GSTCD: variants seen among roughly 807,000 people sequenced by gnomAD.
GSTCD encodes the protein glutathione S-transferase C-terminal domain-containing protein.
A neutral mutation model predicts 68.3 loss-of-function variants in GSTCD; 44 were observed. The observed-to-expected ratio is 0.64, with a 90% CI of 0.51 to 0.83. The LOEUF is 0.83. Among genes scored for constraint, GSTCD ranks in the 40% least tolerant of loss-of-function variants. The pLI is 0.00. For synonymous variants in GSTCD, 273 were observed against 255.2 expected (o/e 1.07, Z -0.67); for missense variants, 739 against 735.9 (o/e 1.00, Z -0.05).
intron 3 of GSTCD, among the ~76,000 whole-genome samples, chr4:105,721,397 T>A (rs1481067753): frequency 6.6e-6 from 1 of 152,166 alleles, no homozygotes; most frequent in Admixed American, 6.5e-5. Context: ...ATCCAAATGA[T>A]CAGAATCAGG....
rs977071968 is a variant in GSTCD, at chr4:105,776,221, A to G, written c.1240+46722A>G. ...CACCAAGCTCCAAAGTTGCCTTCAGACTGCTGTGCTGGCAGCGAGAATTTC... is the reference window on the plus strand; with the variant it reads ...CACCAAGCTCCAAAGTTGCCTTCAGGCTGCTGTGCTGGCAGCGAGAATTTC... On this transcript the variant is annotated intron_variant, in intron 5 of 11. Coordinates refer to ENST00000515279, the MANE Select transcript of GSTCD (RefSeq NM_001370181.1). Among the ~76,000 whole-genome samples, 4 of 152,310 alleles carry G rather than the reference A, an allele frequency of 2.6e-5. No homozygotes were observed. In the East Asian group the frequency reaches 7.7e-4, roughly 29 times the overall value.
intron 5 of GSTCD, among the ~76,000 whole-genome samples, chr4:105,793,674 C>T (rs566994707): frequency 6.6e-6 from 1 of 152,042 alleles, no homozygotes; most frequent in Admixed American, 6.5e-5. Context: ...CTCAAATCTC[C>T]GCATACTGCA....
Position 105,731,636 on chromosome 4 carries a change from A to G in GSTCD, c.1240+2137A>G, listed in dbSNP as rs370802870. 1.7e-4 allele frequency among the ~76,000 whole-genome samples: 26 copies of G among 152,314 alleles called. No homozygotes were observed. The East Asian group carries it at 4.6e-3, about 27-fold the overall frequency. ...CTTAAAGAGATTTTGGCCAGAGACA[A>G]TGGGGTTTTCTAAATACACAATCAT... On this transcript the variant is annotated intron_variant, in intron 5 of 11. Transcript: ENST00000515279.
intron 5 of GSTCD, among the ~76,000 whole-genome samples, chr4:105,753,462 A>C (rs1285757806): frequency 1.3e-5 from 2 of 152,022 alleles, no homozygotes; most frequent in African/African-American, 2.4e-5. Flanking sequence ...CCCTAGGATT[A>C]AAAATATTTG....
chr4:105,809,170 C>T (rs1722650747), intron 5 of GSTCD, among the ~76,000 whole-genome samples: 1 of 152,112 alleles, frequency 6.6e-6, no homozygotes, highest in Non-Finnish European at 1.5e-5. Flanking sequence ...TCTAGGTTTG[C>T]TGCCATACCT....
intron 5 of GSTCD, among the ~76,000 whole-genome samples, chr4:105,743,019 A>G (rs1050306012): frequency 1.2e-4 from 17 of 144,792 alleles, no homozygotes; most frequent in Non-Finnish European, 2.6e-4. Flanking sequence ...CCGCGATCTC[A>G]GCTCACTGCA....
At chr4:105,773,638 G>A (rs994655557) in intron 5 of GSTCD, among the ~76,000 whole-genome samples, 7 of 152,134 alleles carry the variant, frequency 4.6e-5, no homozygotes, top group Admixed American at 1.3e-4. Flanking sequence ...CTCAGGAGCA[G>A]GTTGTTCAGT....
At chr4:105,728,652 CAG>C (rs949045463) in intron 4 of GSTCD, among the ~76,000 whole-genome samples, 1 of 128,228 alleles carries the variant, frequency 7.8e-6, no homozygotes, top group Non-Finnish European at 1.6e-5. Context: ...ATAAAAATAA[CAG>C]AGCCATGGAG....
intron 5 of GSTCD, among the ~76,000 whole-genome samples, chr4:105,762,072 A>T (rs1734431436): frequency 6.6e-6 from 1 of 152,198 alleles, no homozygotes; most frequent in Admixed American, 6.5e-5. Flanking sequence ...GTGAATCCTC[A>T]GTCCCTCAGG....
chr4:105,809,852 G>T (rs1722685479), intron 5 of GSTCD, among the ~76,000 whole-genome samples: 1 of 151,740 alleles, frequency 6.6e-6, no homozygotes, highest in African/African-American at 2.4e-5. Context: ...ATACTGCAGT[G>T]AGAAATTGTG....
rs573563951 is a variant in GSTCD at position 105,800,728 on chromosome 4, G to A, written c.1241-22226G>A. On this transcript the variant is annotated intron_variant, in intron 5 of 11. Coordinates refer to ENST00000515279, the MANE Select transcript of GSTCD (RefSeq NM_001370181.1). ...ATAATATGGTCAATTCTCATTATTC[G>A]TAGTAGTTATGTTTTATGAAGTCAC... Among the ~76,000 whole-genome samples, 22 of 152,148 alleles carry A rather than the reference G, an allele frequency of 1.4e-4. No homozygotes were observed. In the East Asian group the frequency reaches 2.7e-3, roughly 19 times the overall value.
chr4:105,753,061 A>G (rs773067648), intron 5 of GSTCD, among the ~76,000 whole-genome samples: 5 of 152,068 alleles, frequency 3.3e-5, no homozygotes, highest in Non-Finnish European at 7.4e-5. Flanking sequence ...TCAAGATAAG[A>G]CTTTTCCTAA....
intron 5 of GSTCD, among the ~76,000 whole-genome samples, chr4:105,762,598 G>A (rs1013275513): frequency 2.6e-5 from 4 of 152,172 alleles, no homozygotes; most frequent in Admixed American, 2.0e-4. Flanking sequence ...GCTTAGTGCA[G>A]TGTGAAATTG....
intron 2 of GSTCD, among the ~76,000 whole-genome samples, chr4:105,718,458 A>T (rs1160001523): frequency 1.3e-5 from 2 of 152,268 alleles, no homozygotes; most frequent in Non-Finnish European, 1.5e-5. Context: ...TTCTACCATG[A>T]CTAAAAGCTT....
chr4:105,803,658 C>T (rs1483093350), intron 5 of GSTCD, among the ~76,000 whole-genome samples: 1 of 150,224 alleles, frequency 6.7e-6, no homozygotes, highest in Non-Finnish European at 1.5e-5. Flanking sequence ...GGAGAATGGA[C>T]AAATTATATC....
chr4:105,738,639 G>A (rs1447044826), intron 5 of GSTCD, among the ~76,000 whole-genome samples: 1 of 151,138 alleles, frequency 6.6e-6, no homozygotes, highest in Non-Finnish European at 1.5e-5. Context: ...TGTCTTGTTT[G>A]TTGTTCCTGT....
intron 8 of GSTCD, among the ~76,000 whole-genome samples, chr4:105,831,634 A>T (rs1723902598): frequency 6.6e-6 from 1 of 152,082 alleles, no homozygotes; most frequent in African/African-American, 2.4e-5. Context: ...CTCTCACTTT[A>T]TTGGGCTTTT....
chr4:105,753,227 C>T (rs1037826569), intron 5 of GSTCD: 1 of 151,772 alleles, frequency 6.6e-6, no homozygotes, highest in African/African-American at 2.4e-5. Flanking sequence ...AGCAAGAAAC[C>T]ACTTTAAGTA....
At chr4:105,741,864 G>A (rs1251291494) in intron 5 of GSTCD, among the ~76,000 whole-genome samples, 1 of 152,166 alleles carries the variant, frequency 6.6e-6, no homozygotes, top group African/African-American at 2.4e-5. Flanking sequence ...TTAAAGTAAG[G>A]CAGAATTGTG....
Sources: gnomAD v4.1 joint callset for allele counts (sites outside exome capture counted in the v4.1 genomes callset) on GRCh38, gnomAD v4.1.1 for gene constraint, MANE v1.5 for transcripts, NCBI Gene and HGNC (gene_info 2026-07-23, HGNC 2026-07-21) for gene names.